OTOF: variants seen among roughly 807,000 people sequenced by gnomAD.
OTOF encodes fer-1-like family member 2.
In OTOF, 218 loss-of-function variants were observed where a neutral mutation model predicts 236.8. The ratio of observed to expected loss-of-function variants is 0.92; its 90% CI spans 0.82 to 1.03. OTOF has a LOEUF of 1.03. Ranked by LOEUF, OTOF falls within the 50% of genes least tolerant of loss-of-function variation. The pLI, the probability that OTOF is intolerant of heterozygous loss-of-function variation, is 0.00. For synonymous variants in OTOF, 1,041 were observed against 1,072.5 expected, an observed-to-expected ratio of 0.97 and a Z score of 0.57; for missense variants, 2,590 against 2,694.4, an observed-to-expected ratio of 0.96 and a Z score of 0.86.
At chr2:26,513,772 G>T (rs1043016461) in intron 5 of OTOF, among the ~76,000 whole-genome samples, 2 of 152,234 alleles carry the variant, frequency 1.3e-5, no homozygotes. Flanking sequence ...GGGGTCAGAG[G>T]TGAGGCACTG....
chr2:26,500,061 G>C (rs766511028), intron 8 of OTOF, among the ~76,000 whole-genome samples: 3 of 152,234 alleles, frequency 2.0e-5, no homozygotes, highest in African/African-American at 4.8e-5. Flanking sequence ...GTAGCAAGAT[G>C]AAGATGAACC....
At position 26,530,442 on chromosome 2, in the gene OTOF, C is replaced by G. The variant is rs932049343; in HGVS notation, c.139-2522G>C. Reference sequence around the variant, plus strand: ...GGTGCCCTTTCAGAAATTCGTCAGCCGGGTCTGGGCAGTCCATGCCTATGT... The same window carrying G: ...GGTGCCCTTTCAGAAATTCGTCAGCGGGGTCTGGGCAGTCCATGCCTATGT... On this transcript the variant is annotated intron_variant, in intron 2 of 46. Transcript: ENST00000272371. Among the ~76,000 whole-genome samples, 3 of 152,176 alleles carry G rather than the reference C, an allele frequency of 2.0e-5. No individual in the cohort carries two copies. The South Asian group carries it at 6.2e-4, about 32-fold the overall frequency.
intron 5 of OTOF, among the ~76,000 whole-genome samples, chr2:26,508,072 AC>A (rs1377744948): frequency 6.6e-6 from 1 of 151,996 alleles, no homozygotes; most frequent in African/African-American, 2.4e-5. Context: ...GCTAATAGAG[AC>A]CTGACCATAA....
intron 1 of OTOF, among the ~76,000 whole-genome samples, chr2:26,553,171 A>G (rs545008107): frequency 4.6e-5 from 7 of 152,060 alleles, no homozygotes. Flanking sequence ...TCCCTGCACA[A>G]TCACTCAGCA....
chr2:26,480,404 G>GGTGGA, intron 15 of OTOF, 93 bp from the exon 16 acceptor site: 1 of 816,512 alleles, frequency 1.2e-6, no homozygotes, highest in Non-Finnish European at 2.1e-6. Context: ...AGGCCGTGGG[G>GGTGGA]GTGGATGGTG....
chr2:26,527,174 C>T (rs994201105), intron 3 of OTOF, among the ~76,000 whole-genome samples: 4 of 152,258 alleles, frequency 2.6e-5, no homozygotes, highest in African/African-American at 7.2e-5. Flanking sequence ...GCACCCCGCC[C>T]TCTGCATCAC....
intron 9 of OTOF, among the ~76,000 whole-genome samples, chr2:26,493,607 C>G (rs1014687322): frequency 6.6e-6 from 1 of 152,132 alleles, no homozygotes; most frequent in African/African-American, 2.4e-5. Context: ...GTACTGGCAT[C>G]CAACCTGCGA....
rs1209873265 is a variant in OTOF at position 26,461,378 on chromosome 2, C to T, written c.5533+318G>A. Among the ~76,000 whole-genome samples the T allele has an allele frequency of 6.6e-6, 1 of 152,242 alleles. No homozygotes were observed. Among genetic ancestry groups the T allele is most frequent in the African/African-American group, 2.4e-5 (1 of 41,458 alleles). On this transcript the variant is annotated intron_variant, in intron 43 of 46. Transcript: ENST00000272371. This position sits in a 1 kb window ranked among gnomAD's most constrained non-coding sequence, Gnocchi z 6.2. The stretch of plus-strand genomic sequence containing the variant: ...AGTTTTAGGGAGAATCCCTGCTTTA[C>T]AGAGAAGCAACCTGAGGCCCAGGGA...
chr2:26,475,776 C>G, intron 24 of OTOF, 138 bp downstream of exon 24: 1 of 1,168,088 alleles, frequency 8.6e-7, no homozygotes, highest in Non-Finnish European at 1.2e-6. Context: ...CAGGGCTTCC[C>G]CTGAGAAACC....
At chr2:26,495,550 T>A (rs1461780060) in intron 8 of OTOF, among the ~76,000 whole-genome samples, 1 of 152,090 alleles carries the variant, frequency 6.6e-6, no homozygotes, top group Non-Finnish European at 1.5e-5. Flanking sequence ...CTCAGCCTCC[T>A]GAGTAGCTGG....
rs114397533 is a variant in OTOF at position 26,461,228 on chromosome 2, T to C, written c.5534-198A>G. Among the ~76,000 whole-genome samples, 1 of 152,122 alleles carries C rather than the reference T, an allele frequency of 6.6e-6. No homozygotes were observed. The highest frequency in any genetic ancestry group is 1.9e-4 in the East Asian group (1 of 5,182). On this transcript the variant is annotated intron_variant, in intron 43 of 46. Transcript: ENST00000272371. The surrounding 1 kb of genome is among the most constrained non-coding windows in gnomAD (Gnocchi z 6.2). Reference sequence around the variant, plus strand: ...GCTTGCTAGGCAGCCCCAGCCCCCATGCTTTACTCAGGTCCTTCTTTCACC... The same window carrying C: ...GCTTGCTAGGCAGCCCCAGCCCCCACGCTTTACTCAGGTCCTTCTTTCACC...
intron 11 of OTOF, among the ~76,000 whole-genome samples, chr2:26,487,553 G>T (rs3739075): frequency 0.47 from 71,206 of 152,032 alleles, 17,391 homozygotes; most frequent in East Asian, 0.9. Flanking sequence ...GAGGCCTGCT[G>T]GGACAGTGAG....
chr2:26,489,429 A>C (rs1178094700), intron 10 of OTOF, 134 bp from the exon 11 acceptor site: 1 of 757,882 alleles, frequency 1.3e-6, no homozygotes, highest in African/African-American at 1.7e-5. Flanking sequence ...GAGGCTCAGC[A>C]TCAGCTCCTC....
chr2:26,498,284 AC>A (rs1335879102), intron 8 of OTOF, among the ~76,000 whole-genome samples: 1 of 152,198 alleles, frequency 6.6e-6, no homozygotes, highest in Non-Finnish European at 1.5e-5. Context: ...TGAAGGAGCA[AC>A]GGAGGGAAGA....
intron 6 of OTOF, among the ~76,000 whole-genome samples, chr2:26,503,224 C>T (rs1666163481): frequency 6.6e-6 from 1 of 152,228 alleles, no homozygotes; most frequent in African/African-American, 2.4e-5. Flanking sequence ...CCTTGTCTTC[C>T]TCCAGGCCTC....
rs929616369 is a variant in OTOF at position 26,473,605 on chromosome 2, C to G, written c.3409-38G>C. 3 of 1,568,274 alleles carry G rather than the reference C, an allele frequency of 1.9e-6. No homozygotes were observed. In the Admixed American group the frequency reaches 5.3e-5, roughly 28 times the overall value. ...GGAGGGTGGGTGCAGAGAAGAGAGC[C>G]CCTTAGTCAAGGGAGCCAGCCATGG... On this transcript the variant is annotated intron_variant, in intron 27 of 46. Coordinates refer to ENST00000272371, the MANE Select transcript of OTOF (RefSeq NM_194248.3). The surrounding 1 kb of genome is among the most constrained non-coding windows in gnomAD (Gnocchi z 7.2).
At chr2:26,504,613 C>T (rs1238070068) in intron 5 of OTOF, among the ~76,000 whole-genome samples, 1 of 152,238 alleles carries the variant, frequency 6.6e-6, no homozygotes, top group African/African-American at 2.4e-5. Context: ...TGGCTTGCTG[C>T]GACCTTGTGC....
intron 5 of OTOF, among the ~76,000 whole-genome samples, chr2:26,511,667 C>T (rs1666393666): frequency 6.6e-6 from 1 of 152,224 alleles, no homozygotes. Flanking sequence ...TTAACATCAG[C>T]CAGGCCTCGG....
intron 11 of OTOF, among the ~76,000 whole-genome samples, chr2:26,485,602 C>T (rs1665680762): frequency 6.6e-6 from 1 of 152,208 alleles, no homozygotes; most frequent in South Asian, 2.1e-4. Context: ...GGAAGCGCAT[C>T]ACTGTGCCTT....
Sources: gnomAD v4.1 joint callset for allele counts (sites outside exome capture counted in the v4.1 genomes callset) on GRCh38, gnomAD v4.1.1 for gene constraint, Gnocchi (gnomAD v3.1) non-coding constraint, MANE v1.5 for transcripts, NCBI Gene and HGNC (gene_info 2026-07-23, HGNC 2026-07-21) for gene names.